PAM: variants seen among roughly 807,000 people sequenced by gnomAD.
PAM encodes the protein peptidylglycine alpha-amidating monooxygenase.
PAM carries 72 observed loss-of-function variants against 122.1 expected under a neutral mutation model. The observed-to-expected ratio is 0.59, with a 90% CI of 0.49 to 0.72. The LOEUF (loss-of-function observed/expected upper bound fraction) is 0.72. PAM is among the 30% of genes least tolerant of loss of function. The pLI is 0.00. For missense variants in PAM, 1,106 were observed against 1,183.7 expected (o/e 0.93, Z 0.96); for synonymous variants, 389 against 404.4 (o/e 0.96, Z 0.46).
At chr5:102,944,185 C>T (rs1256297966) in intron 7 of PAM, among the ~76,000 whole-genome samples, 1 of 152,140 alleles carries the variant, frequency 6.6e-6, no homozygotes, top group East Asian at 1.9e-4. Flanking sequence ...ATATCCCTCT[C>T]AGTTTTACCT....
intron 5 of PAM, among the ~76,000 whole-genome samples, chr5:102,920,985 A>C (rs1441220144): frequency 6.6e-6 from 1 of 152,144 alleles, no homozygotes; most frequent in East Asian, 1.9e-4. Flanking sequence ...GAAAATATTC[A>C]TGCCATCTGA....
intron 5 of PAM, among the ~76,000 whole-genome samples, chr5:102,918,769 C>T (rs1265649071): frequency 6.6e-6 from 1 of 151,942 alleles, no homozygotes; most frequent in Non-Finnish European, 1.5e-5. Flanking sequence ...TAGGCTTGTG[C>T]ATTTTTTATT....
At chr5:102,785,237 C>A (rs1198781583) in intron 1 of PAM, among the ~76,000 whole-genome samples, 1 of 152,124 alleles carries the variant, frequency 6.6e-6, no homozygotes, top group Non-Finnish European at 1.5e-5. Context: ...ATATCTGGGC[C>A]CCTTCCCAGT....
intron 7 of PAM, among the ~76,000 whole-genome samples, chr5:102,942,761 C>G (rs989737612): frequency 4.2e-5 from 5 of 120,164 alleles, no homozygotes; most frequent in African/African-American, 1.7e-4. Flanking sequence ...TGTAGAAATG[C>G]AGTTTCACCA....
At chr5:102,850,380 A>G (rs1260275586) in intron 1 of PAM, among the ~76,000 whole-genome samples, 1 of 152,228 alleles carries the variant, frequency 6.6e-6, no homozygotes, top group Non-Finnish European at 1.5e-5. Flanking sequence ...CCTGCTGAGT[A>G]GTTGGAACAT....
At chr5:103,002,629 T>C (rs1402868515) in intron 16 of PAM, among the ~76,000 whole-genome samples, 1 of 152,196 alleles carries the variant, frequency 6.6e-6, no homozygotes, top group Non-Finnish European at 1.5e-5. Flanking sequence ...TCATATTTTC[T>C]TTTGCAATAT....
chr5:102,805,720 C>T (rs1388643211), intron 1 of PAM, among the ~76,000 whole-genome samples: 1 of 152,144 alleles, frequency 6.6e-6, no homozygotes, highest in African/African-American at 2.4e-5. Context: ...GTGGTGAGAT[C>T]ACGCTGACCA....
intron 1 of PAM, among the ~76,000 whole-genome samples, chr5:102,759,671 C>T (rs385827): frequency 0.35 from 53,520 of 151,954 alleles, 10,102 homozygotes; most frequent in South Asian, 0.42. Context: ...AGGGCCACCA[C>T]TTTATGACCT....
At chr5:102,794,280 G>A (rs1213440032) in intron 1 of PAM, among the ~76,000 whole-genome samples, 1 of 152,226 alleles carries the variant, frequency 6.6e-6, no homozygotes, top group African/African-American at 2.4e-5. Flanking sequence ...GAGTGGAGGT[G>A]TGATTTCAGT....
chr5:102,913,230 T>G (rs919201682), intron 4 of PAM, among the ~76,000 whole-genome samples: 1 of 151,946 alleles, frequency 6.6e-6, no homozygotes, highest in African/African-American at 2.4e-5. Context: ...TAATAATATA[T>G]TTTTAATTTT....
intron 1 of PAM, among the ~76,000 whole-genome samples, chr5:102,835,215 A>T (rs1776656836): frequency 6.6e-6 from 1 of 152,158 alleles, no homozygotes; most frequent in African/African-American, 2.4e-5. Flanking sequence ...AATGAGTAAC[A>T]GCTCTGAGGT....
intron 3 of PAM, among the ~76,000 whole-genome samples, chr5:102,887,306 C>A (rs1793441315): frequency 6.6e-6 from 1 of 151,960 alleles, no homozygotes; most frequent in Non-Finnish European, 1.5e-5. Flanking sequence ...TCTCTCTTGC[C>A]TCCTCTCTTA....
chr5:102,758,318 G>A (rs1260223315), intron 1 of PAM, among the ~76,000 whole-genome samples: 1 of 151,862 alleles, frequency 6.6e-6, no homozygotes, highest in Non-Finnish European at 1.5e-5. Context: ...ATTAAGGCAT[G>A]GCAGGCTGAG....
At chr5:102,841,989 A>T (rs1442398919) in intron 1 of PAM, among the ~76,000 whole-genome samples, 1 of 152,112 alleles carries the variant, frequency 6.6e-6, no homozygotes, top group East Asian at 1.9e-4. Context: ...ATACACAAAA[A>T]TTGAGTAACT....
intron 1 of PAM, among the ~76,000 whole-genome samples, chr5:102,835,520 T>C (rs570278226): frequency 1.3e-5 from 2 of 152,180 alleles, no homozygotes; most frequent in East Asian, 1.9e-4. Context: ...AGGATTCACA[T>C]ACCTAAAAAT....
At chr5:102,908,054 A>G (rs575835393) in intron 4 of PAM, among the ~76,000 whole-genome samples, 4 of 152,142 alleles carry the variant, frequency 2.6e-5, no homozygotes, top group East Asian at 1.9e-4. Flanking sequence ...GCCCATGCCT[A>G]TGTCCTGAAT....
chr5:102,952,583 G>C (rs1759306048), intron 12 of PAM, among the ~76,000 whole-genome samples: 2 of 152,054 alleles, frequency 1.3e-5, no homozygotes, highest in Non-Finnish European at 2.9e-5. Flanking sequence ...TTTACCAGTG[G>C]AATGACAAAC....
intron 4 of PAM, among the ~76,000 whole-genome samples, chr5:102,912,228 A>G (rs554772651): frequency 2.6e-5 from 4 of 152,064 alleles, no homozygotes; most frequent in African/African-American, 9.6e-5. Context: ...GTAATCATCT[A>G]CATAGGTTCT....
chr5:102,987,610 G>A, intron 15 of PAM: 1 of 441,062 alleles, frequency 2.3e-6, no homozygotes, highest in South Asian at 1.6e-5. Context: ...GATCATGCTT[G>A]TATCAAAATA....
Sources: allele counts gnomAD v4.1 joint callset (sites outside exome capture counted in the v4.1 genomes callset), GRCh38; gene constraint gnomAD v4.1.1; transcripts MANE v1.5; gene names NCBI Gene and HGNC (gene_info 2026-07-23, HGNC 2026-07-21).